Variants in RXFP1 observed in about 807,000 individuals in gnomAD.
RXFP1 encodes the protein relaxin receptor 1.
In RXFP1, 73 loss-of-function variants were observed where a neutral mutation model predicts 89.8. The observed-to-expected ratio is 0.81, with a 90% CI of 0.67 to 0.99. The LOEUF is 0.99. RXFP1 is among the 50% of genes least tolerant of loss of function. The pLI, the probability that RXFP1 is intolerant of heterozygous loss-of-function variation, is 0.00. For synonymous variants in RXFP1, 277 were observed against 305.5 expected (o/e 0.91, Z 0.97); for missense variants, 793 against 895.5 (o/e 0.89, Z 1.46).
At chr4:158,632,840 A>G (rs1306031098) in intron 11 of RXFP1, among the ~76,000 whole-genome samples, 1 of 152,204 alleles carries the variant, frequency 6.6e-6, no homozygotes, top group Non-Finnish European at 1.5e-5. Context: ...GAAGGGGCAC[A>G]ACACAGAAAT....
At chr4:158,602,759 A>AC (rs1554013031) in intron 4 of RXFP1, among the ~76,000 whole-genome samples, 1 of 147,996 alleles carries the variant, frequency 6.8e-6, no homozygotes, top group Admixed American at 6.8e-5. Context: ...TGAATGAACA[A>AC]TTTTTTTTTT....
chr4:158,632,851 C>A (rs1436164494), intron 11 of RXFP1, among the ~76,000 whole-genome samples: 1 of 152,070 alleles, frequency 6.6e-6, no homozygotes, highest in African/African-American at 2.4e-5. Context: ...ACACAGAAAT[C>A]AAAAGAATGA....
chr4:158,633,087 T>C (rs984851250), intron 11 of RXFP1, among the ~76,000 whole-genome samples: 4 of 152,022 alleles, frequency 2.6e-5, no homozygotes, highest in Non-Finnish European at 4.4e-5. Context: ...GGAGAATCAC[T>C]TGAACCCGGG....
In RXFP1 at chr4:158,642,897, G is replaced by A. The variant is rs541855051; in HGVS notation, c.1116-2012G>A. 4.6e-5 allele frequency among the ~76,000 whole-genome samples: 7 copies of A among 152,228 alleles called. No individual in the cohort carries two copies. The South Asian group carries it at 1.5e-3, about 32-fold the overall frequency. The stretch of plus-strand genomic sequence containing the variant: ...CAGAGAGAGAGGGGCTCCTGAATAG[G>A]TCTTCCAGTTCTGTGGTGAAATGCA... On this transcript the variant is annotated intron_variant, in intron 14 of 17. Coordinates refer to ENST00000307765, the MANE Select transcript of RXFP1 (RefSeq NM_021634.4).
chr4:158,623,522 A>AAAAAAAAAC (rs1766080499), intron 9 of RXFP1, among the ~76,000 whole-genome samples: 1 of 149,952 alleles, frequency 6.7e-6, no homozygotes, highest in Non-Finnish European at 1.5e-5. Flanking sequence ...AAAAAAAAAA[A>AAAAAAAAAC]AAAAGATAAT....
At chr4:158,528,409 G>A (rs1209117886) in intron 1 of RXFP1, among the ~76,000 whole-genome samples, 2 of 152,202 alleles carry the variant, frequency 1.3e-5, no homozygotes, top group Non-Finnish European at 2.9e-5. Context: ...GGGAAGCTGA[G>A]GTGGGAGGAT....
At chr4:158,609,323 A>G (rs1763122673) in intron 6 of RXFP1, among the ~76,000 whole-genome samples, 1 of 152,028 alleles carries the variant, frequency 6.6e-6, no homozygotes, top group African/African-American at 2.4e-5. Flanking sequence ...CCACATCCTC[A>G]CCAACGTTTG....
chr4:158,612,464 C>T, intron 8 of RXFP1, 102 bp downstream of exon 8: 1 of 772,992 alleles, frequency 1.3e-6, no homozygotes, highest in Non-Finnish European at 2.1e-6. Context: ...GTTAAAACCC[C>T]AAAGAGGCCT....
intron 1 of RXFP1, among the ~76,000 whole-genome samples, chr4:158,559,366 C>T (rs1751963086): frequency 6.6e-6 from 1 of 152,100 alleles, no homozygotes; most frequent in Admixed American, 6.6e-5. Flanking sequence ...TTCCTGAAAC[C>T]CTAATTTTAT....
At chr4:158,587,603 A>G (rs1186224389) in intron 2 of RXFP1, among the ~76,000 whole-genome samples, 4 of 152,244 alleles carry the variant, frequency 2.6e-5, no homozygotes, top group African/African-American at 9.6e-5. Context: ...GAAATTCTAT[A>G]GATAGAATGT....
At chr4:158,599,517 A>G in intron 4 of RXFP1, 86 bp downstream of exon 4, 1 of 1,019,596 alleles carries the variant, frequency 9.8e-7, no homozygotes, top group Non-Finnish European at 1.4e-6. Context: ...ATTATTCATA[A>G]TATATTTTTA....
intron 17 of RXFP1, among the ~76,000 whole-genome samples, chr4:158,650,615 A>G (rs1772512823): frequency 6.6e-6 from 1 of 151,858 alleles, no homozygotes; most frequent in Non-Finnish European, 1.5e-5. Context: ...CTCAAAATAC[A>G]AAAATTTAGC....
chr4:158,523,785 C>T (rs920742594), intron 1 of RXFP1, among the ~76,000 whole-genome samples: 3 of 152,202 alleles, frequency 2.0e-5, no homozygotes, highest in African/African-American at 4.8e-5. Context: ...CTCACCCAGG[C>T]CCCACCTAAG....
intron 1 of RXFP1, among the ~76,000 whole-genome samples, chr4:158,546,125 T>C (rs980496925): frequency 1.3e-4 from 20 of 152,154 alleles, no homozygotes; most frequent in African/African-American, 4.8e-4. Flanking sequence ...TTTTATTTCA[T>C]TGAGCAGTGG....
At chr4:158,542,109 A>ATATATATATATCTTTTTT in intron 1 of RXFP1, among the ~76,000 whole-genome samples, 1 of 35,254 alleles carries the variant, frequency 2.8e-5, no homozygotes, top group Non-Finnish European at 5.6e-5. Flanking sequence ...ATATATATAT[A>ATATATATATATCTTTTTT]TTTTTTTTTT....
At chr4:158,537,059 T>C (rs1745447134) in intron 1 of RXFP1, among the ~76,000 whole-genome samples, 1 of 151,680 alleles carries the variant, frequency 6.6e-6, no homozygotes, top group Non-Finnish European at 1.5e-5. Flanking sequence ...CGCAATTACT[T>C]TTGCACCAAC....
chr4:158,562,810 C>G (rs1056818095), intron 1 of RXFP1, among the ~76,000 whole-genome samples: 1 of 151,990 alleles, frequency 6.6e-6, no homozygotes, highest in Non-Finnish European at 1.5e-5. Context: ...TGCCCTTATG[C>G]TCAAGGACTG....
intron 1 of RXFP1, among the ~76,000 whole-genome samples, chr4:158,568,412 A>G (rs904327623): frequency 1.3e-5 from 2 of 152,272 alleles, no homozygotes; most frequent in African/African-American, 4.8e-5. Flanking sequence ...AAACACAGGC[A>G]GGTATGGCCA....
At chr4:158,595,036 T>C (rs1223677358) in intron 3 of RXFP1, among the ~76,000 whole-genome samples, 2 of 152,236 alleles carry the variant, frequency 1.3e-5, no homozygotes, top group African/African-American at 2.4e-5. Context: ...CAATGTATTA[T>C]GTAGGCAATG....
Sources: allele counts gnomAD v4.1 joint callset (sites outside exome capture counted in the v4.1 genomes callset), GRCh38; gene constraint gnomAD v4.1.1; transcripts MANE v1.5; gene names NCBI Gene and HGNC (gene_info 2026-07-23, HGNC 2026-07-21).